Variants in PSPC1 observed in about 807,000 individuals in gnomAD.
PSPC1 encodes the protein paraspeckle protein 1.
In PSPC1, 14 loss-of-function variants were observed where a neutral mutation model predicts 51.6. The ratio of observed to expected loss-of-function variants is 0.27; its 90% confidence interval spans 0.18 to 0.42. PSPC1 has a LOEUF of 0.42. Among genes scored for constraint, PSPC1 ranks in the 10% least tolerant of loss-of-function variants. The pLI is 1.00. For synonymous variants in PSPC1, 193 were observed against 231.9 expected (o/e 0.83, Z 1.53); for missense variants, 406 against 701.1 (o/e 0.58, Z 4.75).
chr13:19,725,734 C>T (rs556448152), intron 6 of PSPC1, among the ~76,000 whole-genome samples: 92 of 152,280 alleles, frequency 6.0e-4, no homozygotes, highest in African/African-American at 2.0e-3. Context: ...GAACTATGCA[C>T]GCAAAATTAA....
rs553409617 is a variant in PSPC1 at position 19,736,480 on chromosome 13, G to A, written c.1052+5085C>T. On this transcript the variant is annotated intron_variant, in intron 5 of 8. Coordinates refer to ENST00000338910, the MANE Select transcript of PSPC1 (RefSeq NM_001354909.2). ...GGGCGGATCACAAGGTCAGCAGATC[G>A]AGACCATCCTGGCTAACACAGTGAA... Among the ~76,000 whole-genome samples, 795 of 152,018 alleles carry A rather than the reference G, an allele frequency of 5.2e-3. 4 individuals are homozygous for A. Among genetic ancestry groups the A allele is most frequent in the South Asian group, 0.013 (61 of 4,806 alleles).
At chr13:19,675,167 T>TTTC (rs374647788) in intron 7 of PSPC1, 7 of 152,832 alleles carry the variant, frequency 4.6e-5, no homozygotes, top group African/African-American at 1.7e-4. Flanking sequence ...CCAGTTCATG[T>TTTC]TTCAGTAAGA....
In PSPC1 at chr13:19,782,402, A is replaced by T; in HGVS notation, c.356T>A (p.Phe119Tyr). The change falls in exon 1 of 9, where the codon TTC becomes TAC. Residue 119 changes from phenylalanine to tyrosine, a missense_variant. This residue lies in a region of PSPC1 where 180 missense variants were observed against 337.9 expected (regional missense o/e 0.53). Transcript: ENST00000338910. This position sits in a 1 kb window ranked among gnomAD's most constrained non-coding sequence, Gnocchi z 4.5. ...GACACTCACCAAGCGGATGAAGCCG[A>T]AGCCACGGTCCCGGTTGATGAAGAC... ...SEVFINRDRG[F>Y]GFIRLESRTL... The T allele has an allele frequency of 1.9e-6, 3 of 1,591,170 alleles. No homozygotes were observed. The highest frequency in any genetic ancestry group is 1.7e-6 in the Non-Finnish European group (2 of 1,168,666).
intron 6 of PSPC1, among the ~76,000 whole-genome samples, chr13:19,722,916 C>A (rs1431640707): frequency 6.6e-6 from 1 of 152,138 alleles, no homozygotes; most frequent in Non-Finnish European, 1.5e-5. Flanking sequence ...TCAAGAGCAG[C>A]CTGGCCAACA....
intron 7 of PSPC1, among the ~76,000 whole-genome samples, chr13:19,707,984 GA>G (rs1210853001): frequency 1.3e-5 from 2 of 152,084 alleles, no homozygotes; most frequent in African/African-American, 4.8e-5. Flanking sequence ...TCATAATTTA[GA>G]ACACTCTTGG....
chr13:19,781,357 G>T, intron 1 of PSPC1, among the ~76,000 whole-genome samples: 1 of 151,934 alleles, frequency 6.6e-6, no homozygotes, highest in South Asian at 2.1e-4. Flanking sequence ...TCGCCATGTT[G>T]GCCAGGCTTG....
intron 2 of PSPC1, among the ~76,000 whole-genome samples, chr13:19,765,292 C>T (rs143224472): frequency 2.7e-5 from 4 of 150,364 alleles, no homozygotes; most frequent in East Asian, 1.9e-4. Context: ...CCATGCACTC[C>T]ACCCTGGGTG....
chr13:19,778,356 TCTCCCTCTCCCC>T (rs1459308332), intron 1 of PSPC1, among the ~76,000 whole-genome samples: 6 of 53,102 alleles, frequency 1.1e-4, no homozygotes, highest in Non-Finnish European at 2.3e-4. Flanking sequence ...TATTAAGACC[TCTCCCTCTCCCC>T]CTCCCCCTCC....
At chr13:19,690,616 C>T (rs190435203) in intron 6 of PSPC1, among the ~76,000 whole-genome samples, 5 of 152,258 alleles carry the variant, frequency 3.3e-5, no homozygotes, top group Admixed American at 3.3e-4. Context: ...GCTTGGGGTT[C>T]CACCAAGACC....
chr13:19,730,980 C>T (rs1275781257), intron 5 of PSPC1, among the ~76,000 whole-genome samples: 1 of 94,500 alleles, frequency 1.1e-5, no homozygotes, highest in African/African-American at 3.6e-5. Flanking sequence ...AAAAAAAAAA[C>T]AGAAAAAGTC....
chr13:19,694,152 C>CAT (rs68075347), intron 6 of PSPC1, among the ~76,000 whole-genome samples: 1,703 of 119,856 alleles, frequency 0.014, 30 homozygotes, highest in African/African-American at 0.036. Context: ...AAAAAAAAAC[C>CAT]ATATATATAT....
chr13:19,743,339 TCATATA>T (rs1221110811), intron 4 of PSPC1, among the ~76,000 whole-genome samples: 2 of 152,204 alleles, frequency 1.3e-5, no homozygotes, highest in East Asian at 3.8e-4. Flanking sequence ...AAGAGTTGAC[TCATATA>T]ATACTACAGC....
intron 5 of PSPC1, among the ~76,000 whole-genome samples, chr13:19,731,714 T>C (rs1884147125): frequency 6.6e-6 from 1 of 152,130 alleles, no homozygotes; most frequent in Admixed American, 6.6e-5. Flanking sequence ...ACACCCCGGC[T>C]GGAACTTCCT....
chr13:19,758,438 C>A (rs570362359), intron 3 of PSPC1, among the ~76,000 whole-genome samples: 3 of 152,058 alleles, frequency 2.0e-5, no homozygotes, highest in African/African-American at 7.2e-5. Context: ...AGAGTTTTTC[C>A]GCTGTGCCAG....
intron 1 of PSPC1, among the ~76,000 whole-genome samples, chr13:19,779,811 GA>G (rs1889700115): frequency 1.2e-5 from 1 of 81,950 alleles, no homozygotes; most frequent in African/African-American, 4.8e-5. Flanking sequence ...CCCCTACTGG[GA>G]AGTGAGGAGC....
At chr13:19,741,799 T>C (rs1885460926) in intron 4 of PSPC1, 150 bp from the exon 5 acceptor site, 1 of 501,396 alleles carries the variant, frequency 2.0e-6, no homozygotes. Context: ...AAATATCCTT[T>C]CTGAGCACGT....
chr13:19,777,118 T>A (rs1191607122), intron 1 of PSPC1, among the ~76,000 whole-genome samples: 13 of 87,384 alleles, frequency 1.5e-4, no homozygotes, highest in East Asian at 3.6e-4. Flanking sequence ...AGGCTCCATC[T>A]AAAAAAAAAA....
At chr13:19,726,407 T>C (rs1883363747) in intron 6 of PSPC1, among the ~76,000 whole-genome samples, 1 of 152,228 alleles carries the variant, frequency 6.6e-6, no homozygotes, top group African/African-American at 2.4e-5. Flanking sequence ...ATCAAAATAC[T>C]TGGAGGACTG....
intron 6 of PSPC1, among the ~76,000 whole-genome samples, chr13:19,711,374 C>T (rs1480299400): frequency 1.3e-5 from 2 of 151,968 alleles, no homozygotes; most frequent in African/African-American, 4.8e-5. Flanking sequence ...CGGTGGCTCA[C>T]GCCTGTAATC....
Sources: gnomAD v4.1 joint callset for allele counts (sites outside exome capture counted in the v4.1 genomes callset) on GRCh38, gnomAD v4.1.1 for gene constraint, gnomAD v4.1.1 regional missense constraint, Gnocchi (gnomAD v3.1) non-coding constraint, MANE v1.5 for transcripts, NCBI Gene and HGNC (gene_info 2026-07-23, HGNC 2026-07-21) for gene names.